Variants in CD164 observed in about 807,000 individuals in gnomAD.
The protein encoded by CD164 is sialomucin core protein 24.
CD164 carries 11 observed loss-of-function variants against 24.6 expected under a neutral mutation model. That is an observed-to-expected ratio of 0.45 (90% CI 0.28 to 0.74). CD164 has a LOEUF of 0.74. Ranked by LOEUF, CD164 falls within the 30% of genes least tolerant of loss-of-function variation. The pLI is 0.13. For missense variants in CD164, 295 were observed against 243.7 expected (o/e 1.21, Z -1.40); for synonymous variants, 126 against 100.3 (o/e 1.26, Z -1.53).
At chr6:109,374,074 CT>C (rs1222283263) in intron 4 of CD164, among the ~76,000 whole-genome samples, 7 of 152,278 alleles carry the variant, frequency 4.6e-5, no homozygotes, top group Non-Finnish European at 8.8e-5. Flanking sequence ...CTTCTCTGGG[CT>C]TTTTTACTAC....
Position 109,366,947 on chromosome 6 carries a change from ATG to A in CD164, c.*1902_*1903del, listed in dbSNP as rs1770793639. On this transcript the variant is annotated 3_prime_UTR_variant, in exon 6 of 6. Coordinates refer to ENST00000310786, the MANE Select transcript of CD164 (RefSeq NM_006016.6). ...AAATTTGCTACATATGTTGACATGA[ATG>A]TGTGTCAGGGAATTCATACCCAGGT... 1 of 152,370 alleles carries A rather than the reference ATG, an allele frequency of 6.6e-6. No individual in the cohort carries two copies. The highest frequency in any genetic ancestry group is 6.5e-5 in the Admixed American group (1 of 15,308). 9.4% of individuals were successfully genotyped at this position (152,370 alleles called of 1,614,324 possible). A position where few individuals can be genotyped will look rare whatever the true frequency, so the allele number is the denominator to read the frequency against.
Position 109,374,945 on chromosome 6 carries a change from A to G in CD164, c.370+1129T>C, listed in dbSNP as rs560039404. On this transcript the variant is annotated intron_variant, in intron 4 of 5. Coordinates refer to ENST00000310786, the MANE Select transcript of CD164 (RefSeq NM_006016.6). ...TGAGATCTTTCATTGTTCCTACAGT[A>G]GACAAAATGCTGGCTTAACCCTACC... Among the ~76,000 whole-genome samples the G allele has an allele frequency of 8.6e-4, 131 of 152,362 alleles. No individual in the cohort carries two copies. The Middle Eastern group carries it at 0.02, about 24-fold the overall frequency.
intron 4 of CD164, among the ~76,000 whole-genome samples, chr6:109,375,209 T>C (rs928608621): frequency 3.9e-5 from 6 of 152,098 alleles, no homozygotes. Context: ...CTATCAGAGA[T>C]AAATACAAAT....
intron 4 of CD164, among the ~76,000 whole-genome samples, chr6:109,373,200 T>C (rs1157255357): frequency 2.0e-5 from 3 of 152,240 alleles, no homozygotes; most frequent in Non-Finnish European, 4.4e-5. Flanking sequence ...GCTAAAATTG[T>C]ATTACAATTG....
In CD164 at chr6:109,368,273, ATCCTT is replaced by A. The variant is rs766496845; in HGVS notation, c.*573_*577del. The A allele has an allele frequency of 1.2e-5, 19 of 1,540,498 alleles. No individual in the cohort carries two copies. In the African/African-American group the frequency reaches 2.1e-4, roughly 17 times the overall value. On this transcript the variant is annotated 3_prime_UTR_variant, in exon 6 of 6. Transcript: ENST00000310786. ...ATAATCTGTTATACACACTAATGGT[ATCCTT>A]TCATTTCTTTAAATCTGGAATGTAG...
At chr6:109,379,408 AAG>A (rs777464376) in intron 2 of CD164, among the ~76,000 whole-genome samples, 169 bp downstream of exon 2, 5 of 152,230 alleles carry the variant, frequency 3.3e-5, no homozygotes, top group Non-Finnish European at 5.9e-5. Context: ...GGGAGACAAA[AAG>A]AGATTTTCAG....
At chr6:109,369,082 T>C (rs1770938453) in intron 5 of CD164, 65 bp from the exon 6 acceptor site, 2 of 1,381,030 alleles carry the variant, frequency 1.4e-6, no homozygotes, top group South Asian at 2.6e-5. Context: ...AATTTAAAGA[T>C]GCACCTGAGC....
In CD164 at chr6:109,368,665, G is replaced by T; in HGVS notation, c.*186C>A. ...CATGCAGAATATTTTAAATATTCCTGTTGAACACAATGATTTAATTGATTT... is the reference window on the plus strand; with the variant it reads ...CATGCAGAATATTTTAAATATTCCTTTTGAACACAATGATTTAATTGATTT... On this transcript the variant is annotated 3_prime_UTR_variant, in exon 6 of 6. Transcript: ENST00000310786. 7.2e-7 allele frequency: 1 copy of T among 1,379,942 alleles called. No individual in the cohort carries two copies. The allele number at this position is 1,379,942 out of a possible 1,614,324, so 85.5% of individuals were successfully genotyped here. A position where few individuals can be genotyped will look rare whatever the true frequency, so the allele number is the denominator to read the frequency against.
rs1206285111 is a variant in CD164 at position 109,382,331 on chromosome 6, G to A, written c.48C>T (p.Gly16=). ...TGTCCGCGGACAGCACGCAGAGCAC[G>A]CCCAGGCAGGTGGCGGCCCAAAGCA... ...RSLLWAATCL[G]VLCVLSADKN... is the part of the protein sequence containing the mutation. Residue 16 remains glycine, a synonymous_variant, in exon 1 of 6, where the codon GGC becomes GGT. Coordinates refer to ENST00000310786, the MANE Select transcript of CD164 (RefSeq NM_006016.6). 3.2e-6 allele frequency: 5 copies of A among 1,569,508 alleles called. No individual in the cohort carries two copies. The highest frequency in any genetic ancestry group is 2.4e-5 in the East Asian group (1 of 42,506).
At chr6:109,376,383 A>G (rs1233193553) in intron 3 of CD164, among the ~76,000 whole-genome samples, 1 of 152,218 alleles carries the variant, frequency 6.6e-6, no homozygotes, top group African/African-American at 2.4e-5. Flanking sequence ...CATAACCTCT[A>G]GGAAGCATCC....
At chr6:109,379,844 T>C (rs571616382) in intron 1 of CD164, 182 bp from the exon 2 acceptor site, 2 of 537,940 alleles carry the variant, frequency 3.7e-6, no homozygotes, top group South Asian at 2.2e-5. Flanking sequence ...AAGCTGTAAG[T>C]AAACGCATTA....
chr6:109,381,534 A>C lies in CD164; in HGVS notation c.175+670T>G, dbSNP rs891360241. ...AGTTTAGCCTTAGGATACGTACGCA[A>C]AACACCCGGTACATACATGGGTACT... On this transcript the variant is annotated intron_variant, in intron 1 of 5. Coordinates refer to ENST00000310786, the MANE Select transcript of CD164 (RefSeq NM_006016.6). 8.5e-6 allele frequency: 6 copies of C among 702,496 alleles called. No homozygotes were observed. In the African/African-American group the frequency reaches 8.7e-5, roughly 10 times the overall value. The allele number at this position is 702,496 out of a possible 1,614,324, so 43.5% of individuals were successfully genotyped here.
chr6:109,382,277 CG>C lies in CD164; in HGVS notation c.101del (p.Thr34ArgfsTer3), dbSNP rs1166533989. On this transcript the variant is annotated frameshift_variant, in exon 1 of 6. Transcript: ENST00000310786. LOFTEE classifies it high-confidence loss of function. ...TTACGTTGGAGATGGGCGCTAAAGT[CG>C]TCACGTTCGGGTGCTGGGTCGTGTT... Reference protein sequence around the residue: ...DKNTTQHPNVTTLAPISNVTS... With the variant: ...DKNTTQHPNVXTLAPISNVTS... 1 of 1,588,246 alleles carries C rather than the reference CG, an allele frequency of 6.3e-7. No individual in the cohort carries two copies. Among genetic ancestry groups the C allele is most frequent in the African/African-American group, 1.3e-5 (1 of 74,466 alleles).
At position 109,368,565 on chromosome 6, in the gene CD164, T is replaced by C; in HGVS notation, c.*286A>G. 6.0e-6 allele frequency: 8 copies of C among 1,336,366 alleles called. No homozygotes were observed. The highest frequency in any genetic ancestry group is 7.6e-6 in the Non-Finnish European group (8 of 1,049,448). The allele number at this position is 1,336,366 out of a possible 1,614,324, so 82.8% of individuals were successfully genotyped here. A position where few individuals can be genotyped will look rare whatever the true frequency, so the allele number is the denominator to read the frequency against. Reference sequence around the variant, plus strand: ...AACATTTTCCATCACTTTCAGAAAGTTATATTTGGCATGTTAAGGAAAAAA... The same window carrying C: ...AACATTTTCCATCACTTTCAGAAAGCTATATTTGGCATGTTAAGGAAAAAA... On this transcript the variant is annotated 3_prime_UTR_variant, in exon 6 of 6. Transcript: ENST00000310786.
At chr6:109,378,700 A>C (rs1229310987) in intron 2 of CD164, among the ~76,000 whole-genome samples, 5 of 152,186 alleles carry the variant, frequency 3.3e-5, no homozygotes, top group African/African-American at 4.8e-5. Context: ...TCCCATATAA[A>C]GGGGAAAGAG....
At chr6:109,381,658 A>G in intron 1 of CD164, 1 of 694,684 alleles carries the variant, frequency 1.4e-6, no homozygotes. Context: ...CAATGTAATT[A>G]AATCTCAAGC....
Position 109,366,661 on chromosome 6 carries a change from T to C in CD164, c.*2190A>G, listed in dbSNP as rs1239329056. On this transcript the variant is annotated 3_prime_UTR_variant, in exon 6 of 6. Coordinates refer to ENST00000310786, the MANE Select transcript of CD164 (RefSeq NM_006016.6). Reference sequence around the variant, plus strand: ...AATATCTGTAAGGTAAAATAAGGTATTTGATAGAAGAACATCTGCAAGAAC... The same window carrying C: ...AATATCTGTAAGGTAAAATAAGGTACTTGATAGAAGAACATCTGCAAGAAC... 2 of 152,590 alleles carry C rather than the reference T, an allele frequency of 1.3e-5. No individual in the cohort carries two copies. The highest frequency in any genetic ancestry group is 2.4e-5 in the African/African-American group (1 of 41,422). The allele number at this position is 152,590 out of a possible 1,614,324, so 9.5% of individuals were successfully genotyped here. A position where few individuals can be genotyped will look rare whatever the true frequency, so the allele number is the denominator to read the frequency against.
chr6:109,382,094 GGCCC>G, intron 1 of CD164, 106 bp downstream of exon 1: 5 of 991,874 alleles, frequency 5.0e-6, no homozygotes, highest in Non-Finnish European at 6.5e-6. Flanking sequence ...CCCCGAGCGC[GGCCC>G]GCCCGCCCGA....
chr6:109,381,573 G>A lies in CD164; in HGVS notation c.175+631C>T, dbSNP rs73762715. ...TACATGGGTACTTTTCTTCCTTTTC[G>A]CATACTTTGAAGTGTGAAGTTTTCA... On this transcript the variant is annotated intron_variant, in intron 1 of 5. Transcript: ENST00000310786. 24,895 of 702,298 alleles carry A rather than the reference G, an allele frequency of 0.035. 1,799 individuals are homozygous for A. Among genetic ancestry groups the A allele is most frequent in the African/African-American group, 0.24 (13,678 of 57,240 alleles). 43.5% of individuals were successfully genotyped at this position (702,298 alleles called of 1,614,324 possible). A position where few individuals can be genotyped will look rare whatever the true frequency, so the allele number is the denominator to read the frequency against.
Sources: gnomAD v4.1 joint callset for allele counts (sites outside exome capture counted in the v4.1 genomes callset) on GRCh38, gnomAD v4.1.1 for gene constraint, MANE v1.5 for transcripts, NCBI Gene and HGNC (gene_info 2026-07-23, HGNC 2026-07-21) for gene names.